Variants in LSMEM2 observed in about 807,000 individuals in gnomAD.
The protein encoded by LSMEM2 is leucine rich single-pass membrane protein 2, also known as leucine-rich single-pass membrane protein 2.
In LSMEM2, 20 loss-of-function variants were observed where a neutral mutation model predicts 17.3. The ratio of observed to expected loss-of-function variants is 1.16; its 90% confidence interval spans 0.81 to 1.68. The LOEUF (loss-of-function observed/expected upper bound fraction) is 1.68. Ranked by LOEUF, LSMEM2 falls within the 40% of genes most tolerant of loss-of-function variation. The probability of loss-of-function intolerance (pLI) is 0.00; values close to 1 mark genes in which losing one functional copy is unlikely to be tolerated. For synonymous variants in LSMEM2, 94 were observed against 97.8 expected, an observed-to-expected ratio of 0.96 and a Z score of 0.23; for missense variants, 207 against 214.3, an observed-to-expected ratio of 0.97 and a Z score of 0.21.
At chr3:50,282,897 A>T (rs1701432494) in intron 1 of LSMEM2, among the ~76,000 whole-genome samples, 1 of 148,900 alleles carries the variant, frequency 6.7e-6, no homozygotes, top group African/African-American at 2.5e-5. Flanking sequence ...AAAAACAGAC[A>T]AACAAAAGGC....
At position 50,288,067 on chromosome 3, in the gene LSMEM2, G is replaced by A; in HGVS notation, c.*865G>A. On this transcript the variant is annotated 3_prime_UTR_variant, in exon 4 of 4. Transcript: ENST00000316436. ...GCCCCCAGCTACCCACCCCATGTCT[G>A]TTTTTGGTTTTGTCATTAAAAAAAA... The A allele has an allele frequency of 1.1e-6, 1 of 910,060 alleles. No individual in the cohort carries two copies. Among genetic ancestry groups the A allele is most frequent in the East Asian group, 2.7e-5 (1 of 37,464 alleles). 56.4% of individuals were successfully genotyped at this position (910,060 alleles called of 1,614,324 possible). A position where few individuals can be genotyped will look rare whatever the true frequency, so the allele number is the denominator to read the frequency against.
chr3:50,280,754 T>C (rs1305170283), intron 1 of LSMEM2, among the ~76,000 whole-genome samples: 11 of 151,458 alleles, frequency 7.3e-5, no homozygotes, highest in Non-Finnish European at 1.5e-4. Context: ...CCACTACGCC[T>C]GGCTAATTTT....
rs138230109 is a variant in LSMEM2 at position 50,286,784 on chromosome 3, C to T, written c.283C>T (p.Arg95Ter). 734 of 1,614,056 alleles carry T rather than the reference C, an allele frequency of 4.5e-4. 1 individual carries two copies. The highest frequency in any genetic ancestry group is 1.3e-3 in the East Asian group (57 of 44,896). ...AQAGCSPVYRRGGFLLLLALL... is the reference protein window; with the variant it reads ...AQAGCSPVYR ...GGCTGGCTGCAGCCCTGTGTACAGA[C>T]GAGGAGGGTTCCTGCTGCTGCTCGC... Residue 95 changes from arginine (R) to a stop codon, truncating the protein, a stop_gained, in exon 3 of 4, where the codon CGA becomes TGA. Coordinates refer to ENST00000316436, the MANE Select transcript of LSMEM2 (RefSeq NM_153215.3). LOFTEE classifies it high-confidence loss of function.
chr3:50,281,071 T>C (rs1701384184), intron 1 of LSMEM2, among the ~76,000 whole-genome samples: 1 of 151,976 alleles, frequency 6.6e-6, no homozygotes, highest in African/African-American at 2.4e-5. Flanking sequence ...TTTTTTTTTT[T>C]TTGAGACAGA....
At chr3:50,280,355 G>T (rs1388926542) in intron 1 of LSMEM2, among the ~76,000 whole-genome samples, 1 of 150,558 alleles carries the variant, frequency 6.6e-6, no homozygotes, top group Non-Finnish European at 1.5e-5. Context: ...AGGTTTCACC[G>T]TGTTGGCCAG....
Position 50,287,427 on chromosome 3 carries a change from C to A in LSMEM2, c.*225C>A. 1 of 630,304 alleles carries A rather than the reference C, an allele frequency of 1.6e-6. No individual in the cohort carries two copies. The highest frequency in any genetic ancestry group is 2.7e-6 in the Non-Finnish European group (1 of 371,362). 39.0% of individuals were successfully genotyped at this position (630,304 alleles called of 1,614,324 possible). ...TGCCAAAGCCTCGCTTTGGGTGGCC[C>A]AAGGTCAGGGGAAGGGGCACCAGCC... On this transcript the variant is annotated 3_prime_UTR_variant, in exon 4 of 4. Coordinates refer to ENST00000316436, the MANE Select transcript of LSMEM2 (RefSeq NM_153215.3).
At chr3:50,279,327 G>C (rs1340182856) in intron 1 of LSMEM2, among the ~76,000 whole-genome samples, 156 bp downstream of exon 1, 1 of 152,206 alleles carries the variant, frequency 6.6e-6, no homozygotes, top group Non-Finnish European at 1.5e-5. Context: ...TGCCCCCTGT[G>C]CAGGGAGGAA....
intron 1 of LSMEM2, among the ~76,000 whole-genome samples, chr3:50,282,998 A>T (rs1553707958): frequency 6.6e-6 from 1 of 151,616 alleles, no homozygotes; most frequent in Non-Finnish European, 1.5e-5. Flanking sequence ...CATCCTGGCC[A>T]ACATGGTGAA....
intron 1 of LSMEM2, among the ~76,000 whole-genome samples, chr3:50,280,049 A>T (rs781924681): frequency 2.0e-5 from 3 of 150,086 alleles, no homozygotes; most frequent in Non-Finnish European, 3.0e-5. Flanking sequence ...TAATTTTTGT[A>T]TTTTTAGTAG....
At chr3:50,284,750 C>T (rs1396950112) in intron 1 of LSMEM2, among the ~76,000 whole-genome samples, 2 of 151,482 alleles carry the variant, frequency 1.3e-5, no homozygotes, top group Admixed American at 1.3e-4. Context: ...AAACAAAAAT[C>T]TCAGGCCAGG....
chr3:50,284,512 T>C (rs1701472359), intron 1 of LSMEM2, among the ~76,000 whole-genome samples: 1 of 151,808 alleles, frequency 6.6e-6, no homozygotes, highest in Non-Finnish European at 1.5e-5. Context: ...GATGGATCTC[T>C]TGAGACCAGG....
intron 1 of LSMEM2, among the ~76,000 whole-genome samples, chr3:50,285,719 G>A (rs1223021318): frequency 6.6e-6 from 1 of 152,204 alleles, no homozygotes; most frequent in African/African-American, 2.4e-5. Flanking sequence ...TCAGGAAATT[G>A]GGAAAAAACC....
chr3:50,281,654 C>T (rs1285419053), intron 1 of LSMEM2, among the ~76,000 whole-genome samples: 6 of 147,486 alleles, frequency 4.1e-5, no homozygotes, highest in East Asian at 4.1e-4. Flanking sequence ...TGAGCCACTG[C>T]GCCCGGCAGC....
chr3:50,285,537 G>A (rs1021775101), intron 1 of LSMEM2, among the ~76,000 whole-genome samples: 2 of 151,928 alleles, frequency 1.3e-5, no homozygotes, highest in African/African-American at 4.8e-5. Context: ...CTACTCAGGA[G>A]GCTGATGCAG....
At chr3:50,278,288 ACCT>A (rs1460227039), upstream of LSMEM2, among the ~76,000 whole-genome samples, 2 of 152,156 alleles carry the variant, frequency 1.3e-5, no homozygotes, top group Non-Finnish European at 2.9e-5. Context: ...AAGCTGGACC[ACCT>A]CCTCCTTTCA....
At chr3:50,282,200 G>C (rs1416396125) in intron 1 of LSMEM2, among the ~76,000 whole-genome samples, 2 of 151,606 alleles carry the variant, frequency 1.3e-5, no homozygotes, top group Non-Finnish European at 2.9e-5. Flanking sequence ...CGTTGCCCTG[G>C]CTGGTTTCAA....
At position 50,287,974 on chromosome 3, in the gene LSMEM2, G is replaced by GAGAC; in HGVS notation, c.*775_*778dup. On this transcript the variant is annotated 3_prime_UTR_variant, in exon 4 of 4. Transcript: ENST00000316436. ...GGAAGGCACATATTTAGCCTGGCCT[G>GAGAC]AGACAGGACAGGAAGGGGCCACAGG... 4 of 568,020 alleles carry GAGAC rather than the reference G, an allele frequency of 7.0e-6. No individual in the cohort carries two copies. The highest frequency in any genetic ancestry group is 1.3e-5 in the Non-Finnish European group (4 of 315,732). 35.2% of individuals were successfully genotyped at this position (568,020 alleles called of 1,614,324 possible). A position where few individuals can be genotyped will look rare whatever the true frequency, so the allele number is the denominator to read the frequency against.
At chr3:50,282,581 G>T (rs782264751) in intron 1 of LSMEM2, among the ~76,000 whole-genome samples, 3 of 152,126 alleles carry the variant, frequency 2.0e-5, no homozygotes, top group African/African-American at 2.4e-5. Flanking sequence ...AGAACAACTA[G>T]AAGAAAATAT....
In LSMEM2 at chr3:50,287,230, GT is replaced by G; in HGVS notation, c.*29del. 1 of 1,612,436 alleles carries G rather than the reference GT, an allele frequency of 6.2e-7. No homozygotes were observed. The highest frequency in any genetic ancestry group is 1.7e-4 in the Middle Eastern group (1 of 6,054). ...TGCCATTTGGATCTGGGGCCTGGGG[GT>G]GTGTGTTGGTGGGGGAATAAAGTGG... On this transcript the variant is annotated 3_prime_UTR_variant, in exon 4 of 4. Transcript: ENST00000316436.
Sources: gnomAD v4.1 joint callset for allele counts (sites outside exome capture counted in the v4.1 genomes callset) on GRCh38, gnomAD v4.1.1 for gene constraint, MANE v1.5 for transcripts, NCBI Gene and HGNC (gene_info 2026-07-23, HGNC 2026-07-21) for gene names.